The following CCDC14 variants were observed in gnomAD, a reference collection of about 807,000 sequenced individuals.
CCDC14 encodes the protein coiled-coil domain-containing protein 14.
CCDC14 carries 71 observed loss-of-function variants against 81.4 expected under a neutral mutation model. That is an observed-to-expected ratio of 0.87 (90% CI 0.72 to 1.06). CCDC14 has a LOEUF of 1.06. Among genes scored for constraint, CCDC14 ranks in the 50% least tolerant of loss-of-function variants. The probability of loss-of-function intolerance (pLI) is 0.00; values close to 1 mark genes in which losing one functional copy is unlikely to be tolerated. For synonymous variants in CCDC14, 332 were observed against 364.8 expected (o/e 0.91, Z 1.03); for missense variants, 1,046 against 1,047.3 (o/e 1.00, Z 0.02).
intron 12 of CCDC14, among the ~76,000 whole-genome samples, chr3:123,918,732 T>C (rs2034857414): frequency 1.3e-5 from 2 of 152,224 alleles, no homozygotes; most frequent in South Asian, 4.2e-4. Context: ...CCCCATTTGT[T>C]CCTACAGGGC....
chr3:123,945,699 G>A (rs746084858), intron 8 of CCDC14, among the ~76,000 whole-genome samples: 2 of 152,066 alleles, frequency 1.3e-5, no homozygotes, highest in Non-Finnish European at 2.9e-5. Context: ...TTAATCATCT[G>A]ATAACCTAGA....
At chr3:123,930,919 G>A in intron 12 of CCDC14, 183 bp downstream of exon 12, 1 of 559,202 alleles carries the variant, frequency 1.8e-6, no homozygotes. Context: ...CATTTCGCCA[G>A]GTTTGAAATT....
chr3:123,907,950 G>T (rs1362562395), intron 5 of CCDC14, among the ~76,000 whole-genome samples: 1 of 151,884 alleles, frequency 6.6e-6, no homozygotes, highest in African/African-American at 2.4e-5. Flanking sequence ...TTCTGCAAAA[G>T]GGGGAAAAGG....
chr3:123,921,681 A>G (rs1227896637), intron 12 of CCDC14, among the ~76,000 whole-genome samples: 3 of 152,214 alleles, frequency 2.0e-5, no homozygotes, highest in African/African-American at 7.2e-5. Flanking sequence ...TCCCTGGGCC[A>G]CACTGGAAGA....
At chr3:123,919,515 A>G (rs2034915007) in intron 12 of CCDC14, among the ~76,000 whole-genome samples, 1 of 152,148 alleles carries the variant, frequency 6.6e-6, no homozygotes, top group Non-Finnish European at 1.5e-5. Context: ...ACCCTGCCCA[A>G]TCAAAGGTGA....
At position 123,914,522 on chromosome 3, in the gene CCDC14, A is replaced by G; in HGVS notation, c.*257T>C. ...CTTAATAAAAGAACTCTAATTGCTA[A>G]GTACTGAAATAAAACATTACTTACA... On this transcript the variant is annotated 3_prime_UTR_variant, in exon 13 of 13. Coordinates refer to ENST00000409697, the MANE Select transcript of CCDC14 (RefSeq NM_001366335.1). 9.1e-7 allele frequency: 1 copy of G among 1,103,762 alleles called. No individual in the cohort carries two copies. The highest frequency in any genetic ancestry group is 1.1e-6 in the Non-Finnish European group (1 of 906,286). 68.4% of individuals were successfully genotyped at this position (1,103,762 alleles called of 1,614,324 possible). A position where few individuals can be genotyped will look rare whatever the true frequency, so the allele number is the denominator to read the frequency against.
rs2034596575 is a variant in CCDC14, at chr3:123,915,265, T to C, written c.2232A>G (p.Pro744=). 2 of 1,613,934 alleles carry C rather than the reference T, an allele frequency of 1.2e-6. No homozygotes were observed. Among genetic ancestry groups the C allele is most frequent in the Non-Finnish European group, 8.5e-7 (1 of 1,179,874 alleles). ...FARSTPEKKS[P]LSKRLSPQPQ... ...GCTGAGGGGATAGTCTCTTAGAAAGTGGTGATTTCTTTTCAGGAGTGCTTC... is the reference window on the plus strand; with the variant it reads ...GCTGAGGGGATAGTCTCTTAGAAAGCGGTGATTTCTTTTCAGGAGTGCTTC... Residue 744 remains proline, a synonymous_variant, in exon 13 of 13, where the codon CCA becomes CCG. Transcript: ENST00000409697.
At chr3:123,928,283 G>A (rs1228919105) in intron 12 of CCDC14, among the ~76,000 whole-genome samples, 2 of 142,158 alleles carry the variant, frequency 1.4e-5, no homozygotes, top group African/African-American at 5.3e-5. Flanking sequence ...GGATCATGAA[G>A]TCAGGAGATA....
chr3:123,953,360 C>G (rs933872275), intron 5 of CCDC14: 3 of 152,230 alleles, frequency 2.0e-5, no homozygotes, highest in African/African-American at 7.2e-5. Flanking sequence ...GACGGATTCC[C>G]CAAGCTCAGT....
At chr3:123,912,500 A>G (rs1265319432), downstream of CCDC14, among the ~76,000 whole-genome samples, 1 of 152,104 alleles carries the variant, frequency 6.6e-6, no homozygotes, top group Non-Finnish European at 1.5e-5. Context: ...GTCATCTTTG[A>G]TTTTTCTATC....
At chr3:123,956,508 G>T in intron 2 of CCDC14, 81 bp from the exon 3 acceptor site, 2 of 1,044,312 alleles carry the variant, frequency 1.9e-6, no homozygotes, top group Non-Finnish European at 1.4e-6. Flanking sequence ...TTCCAGCAAA[G>T]ACAAGAAAGC....
intron 5 of CCDC14, among the ~76,000 whole-genome samples, chr3:123,903,204 T>C (rs2034212759): frequency 6.6e-6 from 1 of 152,110 alleles, no homozygotes; most frequent in Non-Finnish European, 1.5e-5. Flanking sequence ...CCATGGTTAT[T>C]GGGCTGGCTG....
intron 5 of CCDC14, among the ~76,000 whole-genome samples, chr3:123,901,433 A>C (rs2034177132): frequency 6.6e-6 from 1 of 152,130 alleles, no homozygotes; most frequent in Non-Finnish European, 1.5e-5. Flanking sequence ...GTTCAATGGG[A>C]AAAAAGTTGA....
At chr3:123,939,372 T>A (rs748833316) in intron 9 of CCDC14, among the ~76,000 whole-genome samples, 19 of 151,582 alleles carry the variant, frequency 1.3e-4, no homozygotes, top group Non-Finnish European at 3.0e-5. Context: ...TTAACCAGCA[T>A]ATGTGTTGGT....
intron 5 of CCDC14, among the ~76,000 whole-genome samples, chr3:123,901,432 GA>G: frequency 6.6e-6 from 1 of 151,300 alleles, no homozygotes; most frequent in Non-Finnish European, 1.5e-5. Context: ...AGTTCAATGG[GA>G]AAAAAGTTGA....
chr3:123,938,277 T>C (rs550154648), intron 9 of CCDC14, among the ~76,000 whole-genome samples: 9 of 152,084 alleles, frequency 5.9e-5, no homozygotes, highest in Non-Finnish European at 1.5e-5. Context: ...CTCTCACTTA[T>C]ACTGATCTTT....
intron 10 of CCDC14, among the ~76,000 whole-genome samples, 153 bp from the exon 11 acceptor site, chr3:123,931,679 C>T (rs78820567): frequency 0.11 from 16,640 of 151,400 alleles, 2,042 homozygotes; most frequent in East Asian, 0.41. Flanking sequence ...ATAAATACTA[C>T]ATATATTTTT....
chr3:123,890,788 GAC>G, the CCDC14 span, among the ~76,000 whole-genome samples: 1 of 152,122 alleles, frequency 6.6e-6, no homozygotes, highest in African/African-American at 2.4e-5. Flanking sequence ...GGGTCTGGAG[GAC>G]AGTGGCCCTC....
At chr3:123,904,287 C>T (rs534087814) in intron 5 of CCDC14, among the ~76,000 whole-genome samples, 4 of 151,972 alleles carry the variant, frequency 2.6e-5, no homozygotes, top group African/African-American at 9.6e-5. Context: ...TCTCTGAGGT[C>T]TATATAAATC....
Sources: gnomAD v4.1 joint callset for allele counts (sites outside exome capture counted in the v4.1 genomes callset) on GRCh38, gnomAD v4.1.1 for gene constraint, MANE v1.5 for transcripts, NCBI Gene and HGNC (gene_info 2026-07-23, HGNC 2026-07-21) for gene names.